The following MAST4 variants were observed in gnomAD, a reference collection of about 807,000 sequenced individuals.
The protein encoded by MAST4 is microtubule associated serine/threonine kinase family member 4.
A neutral mutation model predicts 162.7 loss-of-function variants in MAST4; 89 were observed. The observed-to-expected ratio is 0.55, with a 90% CI of 0.46 to 0.65. MAST4 has a LOEUF of 0.65. Among genes scored for constraint, MAST4 ranks in the 30% least tolerant of loss-of-function variants. The pLI is 0.00. For missense variants in MAST4, 3,153 were observed against 3,374.0 expected (o/e 0.93, Z 1.62); for synonymous variants, 1,479 against 1,361.1 (o/e 1.09, Z -1.91).
At chr5:66,912,101 G>A (rs753628509) in intron 4 of MAST4, among the ~76,000 whole-genome samples, 1 of 152,188 alleles carries the variant, frequency 6.6e-6, no homozygotes, top group East Asian at 1.9e-4. Context: ...ATTGAGCAGG[G>A]CATTTGATTT....
At chr5:66,747,817 G>C (rs1752861832) in intron 1 of MAST4, among the ~76,000 whole-genome samples, 1 of 152,152 alleles carries the variant, frequency 6.6e-6, no homozygotes, top group Non-Finnish European at 1.5e-5. Context: ...AATTCAGTTA[G>C]CCTCCCTGGC....
chr5:66,915,974 C>A (rs2150029176), intron 4 of MAST4, among the ~76,000 whole-genome samples: 1 of 152,294 alleles, frequency 6.6e-6, no homozygotes, highest in Admixed American at 6.5e-5. Context: ...TTAGCTTAGA[C>A]CTGCGTTGTC....
At chr5:66,753,414 A>G (rs1753314691) in intron 1 of MAST4, among the ~76,000 whole-genome samples, 1 of 151,372 alleles carries the variant, frequency 6.6e-6, no homozygotes, top group African/African-American at 2.4e-5. Flanking sequence ...CAAGACTAAT[A>G]AAGAAAAAAA....
At chr5:67,138,822 A>C (rs1216688526) in intron 19 of MAST4, among the ~76,000 whole-genome samples, 1 of 152,090 alleles carries the variant, frequency 6.6e-6, no homozygotes, top group Non-Finnish European at 1.5e-5. Flanking sequence ...AAAATTTCAG[A>C]TTTTGGAGCA....
intron 5 of MAST4, among the ~76,000 whole-genome samples, chr5:67,060,475 AT>A (rs71610552): frequency 0.011 from 1,335 of 120,566 alleles, 8 homozygotes; most frequent in African/African-American, 0.031. Flanking sequence ...GAGTATCACA[AT>A]TTTTTTTTTT....
intron 4 of MAST4, chr5:67,003,956 C>T (rs1449558119): frequency 1.3e-5 from 2 of 152,248 alleles, no homozygotes; most frequent in Non-Finnish European, 2.9e-5. Flanking sequence ...AGTGTGGCTT[C>T]CCGTCCGCGT....
intron 1 of MAST4, among the ~76,000 whole-genome samples, chr5:66,605,956 G>A (rs548086355): frequency 6.6e-6 from 1 of 152,340 alleles, no homozygotes; most frequent in Admixed American, 6.5e-5. Context: ...TATCAGGTAA[G>A]ACTGGTTGGG....
chr5:66,659,370 A>G (rs566167731), intron 1 of MAST4, among the ~76,000 whole-genome samples: 1 of 152,220 alleles, frequency 6.6e-6, no homozygotes, highest in Non-Finnish European at 1.5e-5. Context: ...ATCTGTTTTC[A>G]CTGATGTATC....
At chr5:67,144,255 C>G (rs768154003) in intron 21 of MAST4, among the ~76,000 whole-genome samples, 1 of 152,142 alleles carries the variant, frequency 6.6e-6, no homozygotes, top group African/African-American at 2.4e-5. Flanking sequence ...CTTCTTCCCA[C>G]CCCTGACTGG....
chr5:67,019,485 A>G (rs1753711070), intron 4 of MAST4, among the ~76,000 whole-genome samples: 1 of 152,216 alleles, frequency 6.6e-6, no homozygotes, highest in Non-Finnish European at 1.5e-5. Flanking sequence ...TTTATCCCTT[A>G]TGTATGTGAG....
At chr5:66,620,220 G>C in intron 1 of MAST4, among the ~76,000 whole-genome samples, 1 of 151,920 alleles carries the variant, frequency 6.6e-6, no homozygotes, top group Non-Finnish European at 1.5e-5. Context: ...GTTTTCTCTA[G>C]CACTTTCACA....
chr5:66,882,913 G>A (rs257809), intron 3 of MAST4, among the ~76,000 whole-genome samples: 46,552 of 151,950 alleles, frequency 0.31, 9,112 homozygotes, highest in Non-Finnish European at 0.45. Flanking sequence ...AAAAATTACC[G>A]ATACAAGAAG....
At chr5:67,030,690 A>G (rs1381127269) in intron 4 of MAST4, among the ~76,000 whole-genome samples, 2 of 152,146 alleles carry the variant, frequency 1.3e-5, no homozygotes, top group African/African-American at 2.4e-5. Flanking sequence ...TTAAAACCAT[A>G]CAAACATTGT....
At chr5:66,617,315 G>A (rs1743758825) in intron 1 of MAST4, among the ~76,000 whole-genome samples, 1 of 152,178 alleles carries the variant, frequency 6.6e-6, no homozygotes, top group African/African-American at 2.4e-5. Flanking sequence ...GTGCATTATG[G>A]CATTTAATTC....
At chr5:67,034,365 G>GT (rs1755750116) in intron 4 of MAST4, among the ~76,000 whole-genome samples, 1 of 152,148 alleles carries the variant, frequency 6.6e-6, no homozygotes, top group African/African-American at 2.4e-5. Context: ...GGTGATACTT[G>GT]TGGGCCTCTT....
chr5:66,904,310 C>T (rs1024281040), intron 4 of MAST4, among the ~76,000 whole-genome samples: 1 of 152,114 alleles, frequency 6.6e-6, no homozygotes. Flanking sequence ...AAACAGCTCT[C>T]CAGGACAGAG....
intron 4 of MAST4, among the ~76,000 whole-genome samples, chr5:66,908,820 G>C (rs1440372657): frequency 6.6e-6 from 1 of 152,074 alleles, no homozygotes; most frequent in East Asian, 1.9e-4. Flanking sequence ...ACACTGCCTA[G>C]GTTTGAATCC....
chr5:67,130,917 C>G (rs1768894264), intron 15 of MAST4, among the ~76,000 whole-genome samples: 1 of 152,072 alleles, frequency 6.6e-6, no homozygotes, highest in East Asian at 1.9e-4. Flanking sequence ...TTTCAATGCT[C>G]CAAGTAATCT....
chr5:66,888,707 A>G (rs1011754195), intron 3 of MAST4, among the ~76,000 whole-genome samples: 7 of 152,250 alleles, frequency 4.6e-5, no homozygotes, highest in Admixed American at 3.3e-4. Context: ...TGGGTCCTGG[A>G]AAGCCCTGTC....
Sources: allele counts gnomAD v4.1 joint callset (sites outside exome capture counted in the v4.1 genomes callset), GRCh38; gene constraint gnomAD v4.1.1; transcripts MANE v1.5; gene names NCBI Gene and HGNC (gene_info 2026-07-23, HGNC 2026-07-21).